PKNOX2: variants seen among roughly 807,000 people sequenced by gnomAD.
PKNOX2 encodes the protein homeobox protein PKNOX2.
In PKNOX2, 14 loss-of-function variants were observed where a neutral mutation model predicts 53.1. The observed-to-expected ratio is 0.26, with a 90% CI of 0.17 to 0.41. The LOEUF (loss-of-function observed/expected upper bound fraction) is 0.41. PKNOX2 is among the 10% of genes least tolerant of loss of function. The probability of loss-of-function intolerance (pLI) is 1.00; values close to 1 mark genes in which losing one functional copy is unlikely to be tolerated. For synonymous variants in PKNOX2, 257 were observed against 242.8 expected (o/e 1.06, Z -0.54); for missense variants, 496 against 602.8 (o/e 0.82, Z 1.85).
chr11:125,183,884 G>A (rs1418569523), intron 1 of PKNOX2, among the ~76,000 whole-genome samples: 1 of 152,154 alleles, frequency 6.6e-6, no homozygotes, highest in African/African-American at 2.4e-5. Context: ...ACCCAGAGTG[G>A]AGAACATGAA....
chr11:125,294,798 A>T (rs1017384180), intron 2 of PKNOX2, among the ~76,000 whole-genome samples: 1 of 152,254 alleles, frequency 6.6e-6, no homozygotes, highest in African/African-American at 2.4e-5. Context: ...TGTGCAGATT[A>T]CATGAGATGA....
At chr11:125,400,381 C>G (rs1407005683) in intron 7 of PKNOX2, among the ~76,000 whole-genome samples, 1 of 152,310 alleles carries the variant, frequency 6.6e-6, no homozygotes, top group South Asian at 2.1e-4. Context: ...CACCTGCACA[C>G]CCATGCATCT....
intron 3 of PKNOX2, among the ~76,000 whole-genome samples, chr11:125,343,024 G>T (rs1250786413): frequency 6.6e-6 from 1 of 152,028 alleles, no homozygotes; most frequent in African/African-American, 2.4e-5. Context: ...CGCTCTCTAG[G>T]TTAGAAGGTT....
chr11:125,317,498 T>A (rs201923500), intron 2 of PKNOX2, among the ~76,000 whole-genome samples: 1 of 152,254 alleles, frequency 6.6e-6, no homozygotes, highest in Non-Finnish European at 1.5e-5. Flanking sequence ...GCAGAATGGA[T>A]GTTGTGTTAG....
chr11:125,275,009 G>A (rs568580811), intron 2 of PKNOX2, among the ~76,000 whole-genome samples: 1 of 152,318 alleles, frequency 6.6e-6, no homozygotes, highest in Non-Finnish European at 1.5e-5. Flanking sequence ...CTGTGTGCAA[G>A]GCTTTATTGT....
chr11:125,202,981 G>A (rs773185251), intron 1 of PKNOX2, among the ~76,000 whole-genome samples: 13 of 152,062 alleles, frequency 8.5e-5, no homozygotes, highest in South Asian at 2.1e-4. Flanking sequence ...GAATTTCACC[G>A]TGGTAAGTTT....
intron 2 of PKNOX2, among the ~76,000 whole-genome samples, chr11:125,310,998 A>G (rs1222482520): frequency 6.6e-6 from 1 of 152,016 alleles, no homozygotes; most frequent in Admixed American, 6.6e-5. Flanking sequence ...GCTTTTTAAG[A>G]GAACAGGGAG....
chr11:125,285,112 C>T (rs574245176), intron 2 of PKNOX2, among the ~76,000 whole-genome samples: 2 of 152,192 alleles, frequency 1.3e-5, no homozygotes, highest in South Asian at 4.1e-4. Flanking sequence ...AGCATTGTGG[C>T]GCCTAAAGCA....
chr11:125,408,755 C>T (rs1955280350), intron 7 of PKNOX2, among the ~76,000 whole-genome samples: 1 of 152,142 alleles, frequency 6.6e-6, no homozygotes, highest in Admixed American at 6.5e-5. Context: ...GGCTGTCCCC[C>T]GGGCTGTAAC....
intron 1 of PKNOX2, among the ~76,000 whole-genome samples, chr11:125,194,961 G>T (rs1374654567): frequency 6.6e-6 from 1 of 152,092 alleles, no homozygotes; most frequent in African/African-American, 2.4e-5. Flanking sequence ...CCTTCCTGAC[G>T]CTCTTAGGAG....
chr11:125,213,645 A>G (rs1439920039), intron 1 of PKNOX2, among the ~76,000 whole-genome samples: 1 of 152,068 alleles, frequency 6.6e-6, no homozygotes, highest in Non-Finnish European at 1.5e-5. Context: ...TTTTGTAAAG[A>G]CAAGGCCTCC....
At chr11:125,343,077 C>A (rs1950784389) in intron 3 of PKNOX2, among the ~76,000 whole-genome samples, 1 of 151,858 alleles carries the variant, frequency 6.6e-6, no homozygotes, top group Admixed American at 6.6e-5. Context: ...GCTCAGAGCA[C>A]CCCAGGGCAG....
intron 10 of PKNOX2, among the ~76,000 whole-genome samples, chr11:125,416,972 T>G (rs1362518559): frequency 1.3e-5 from 2 of 152,054 alleles, no homozygotes; most frequent in Non-Finnish European, 2.9e-5. Flanking sequence ...AGAGCCTTTT[T>G]GCTGTTAGGC....
intron 5 of PKNOX2, among the ~76,000 whole-genome samples, chr11:125,378,286 C>T (rs1195422620): frequency 6.6e-6 from 1 of 152,214 alleles, no homozygotes; most frequent in African/African-American, 2.4e-5. Context: ...CGTGCCCCAC[C>T]TCACCCCACC....
chr11:125,192,724 T>A (rs1956954212), intron 1 of PKNOX2, among the ~76,000 whole-genome samples: 1 of 152,196 alleles, frequency 6.6e-6, no homozygotes, highest in South Asian at 2.1e-4. Context: ...GTGGGAGGAC[T>A]GTCTGCCTTG....
intron 1 of PKNOX2, among the ~76,000 whole-genome samples, chr11:125,194,045 G>A (rs1957031533): frequency 6.6e-6 from 1 of 152,198 alleles, no homozygotes; most frequent in Non-Finnish European, 1.5e-5. Flanking sequence ...TGCCGGCAGG[G>A]CCCCGTAGGA....
intron 2 of PKNOX2, among the ~76,000 whole-genome samples, chr11:125,285,856 T>G (rs1211191804): frequency 6.6e-6 from 1 of 152,240 alleles, no homozygotes; most frequent in Non-Finnish European, 1.5e-5. Context: ...CTACCATCCA[T>G]GCCCTTGAGG....
In PKNOX2 at chr11:125,284,210, G is replaced by A. The variant is rs180680249; in HGVS notation, c.-129-47609G>A. ...TGTAGCAGCCATCCTCTCTTATTAC[G>A]GTGCATACACCACTGACTTCCCTCC... On this transcript the variant is annotated intron_variant, in intron 2 of 12. Coordinates refer to ENST00000298282, the MANE Select transcript of PKNOX2 (RefSeq NM_001382323.2). 7.4e-4 allele frequency among the ~76,000 whole-genome samples: 112 copies of A among 152,292 alleles called. 1 individual carries two copies. The highest frequency in any genetic ancestry group is 7.3e-3 in the Admixed American group (112 of 15,298).
At chr11:125,229,908 C>G (rs1396694762) in intron 1 of PKNOX2, among the ~76,000 whole-genome samples, 1 of 152,224 alleles carries the variant, frequency 6.6e-6, no homozygotes, top group African/African-American at 2.4e-5. Context: ...GGGTAAATTG[C>G]TTGCTTCTGC....
Sources: allele counts gnomAD v4.1 joint callset (sites outside exome capture counted in the v4.1 genomes callset), GRCh38; gene constraint gnomAD v4.1.1; transcripts MANE v1.5; gene names NCBI Gene and HGNC (gene_info 2026-07-23, HGNC 2026-07-21).